The following WSCD2 variants were observed in gnomAD, a reference collection of about 807,000 sequenced individuals.
The protein encoded by WSCD2 is WSC domain sialate O sulfotransferase 2.
WSCD2 carries 28 observed loss-of-function variants against 55.7 expected under a neutral mutation model. The observed-to-expected ratio is 0.50, with a 90% CI of 0.37 to 0.69. WSCD2 has a LOEUF of 0.69. Ranked by LOEUF, WSCD2 falls within the 30% of genes least tolerant of loss-of-function variation. The pLI, the probability that WSCD2 is intolerant of heterozygous loss-of-function variation, is 0.00. For missense variants in WSCD2, 616 were observed against 762.1 expected (o/e 0.81, Z 2.26); for synonymous variants, 301 against 301.9 (o/e 1.00, Z 0.03).
chr12:108,248,118 G>T lies in WSCD2; in HGVS notation c.1473G>T (p.Leu491=). Residue 491 remains leucine (L), a synonymous_variant, in exon 9 of 9, where the codon CTG becomes CTT. Coordinates refer to ENST00000547525, the MANE Select transcript of WSCD2 (RefSeq NM_014653.4). This position sits in a 1 kb window ranked among gnomAD's most constrained non-coding sequence, Gnocchi z 4.3. ...TGAAGCAGGACCTCTTTGTCCAGCT[G>T]GGCCGGATGGTCAGCCTGCTGGGCG... ...EDLKQDLFVQ[L]GRMVSLLGVA... 1 of 1,614,202 alleles carries T rather than the reference G, an allele frequency of 6.2e-7. No homozygotes were observed. Among genetic ancestry groups the T allele is most frequent in the Non-Finnish European group, 8.5e-7 (1 of 1,180,028 alleles).
At chr12:108,140,579 G>A (rs911355149) in intron 1 of WSCD2, among the ~76,000 whole-genome samples, 5 of 152,174 alleles carry the variant, frequency 3.3e-5, no homozygotes, top group African/African-American at 4.8e-5. Context: ...AAAAGAACCA[G>A]GTAGTAGTAG....
intron 4 of WSCD2, among the ~76,000 whole-genome samples, chr12:108,217,800 G>C (rs772076988): frequency 6.6e-6 from 1 of 151,984 alleles, no homozygotes; most frequent in Admixed American, 6.6e-5. Context: ...AATCCATCTC[G>C]GGCCCTTTAA....
intron 1 of WSCD2, among the ~76,000 whole-genome samples, chr12:108,178,248 G>C (rs1298199117): frequency 6.6e-6 from 1 of 152,100 alleles, no homozygotes; most frequent in Non-Finnish European, 1.5e-5. Context: ...TCTTCCCTCT[G>C]GATGTATCTG....
At chr12:108,137,996 TG>T (rs1876396256) in intron 1 of WSCD2, among the ~76,000 whole-genome samples, 1 of 152,208 alleles carries the variant, frequency 6.6e-6, no homozygotes, top group South Asian at 2.1e-4. Context: ...TCAGCCTCAG[TG>T]GCATCCGCTA....
intron 1 of WSCD2, among the ~76,000 whole-genome samples, chr12:108,174,079 C>T (rs1880540506): frequency 6.6e-6 from 1 of 152,082 alleles, no homozygotes; most frequent in Non-Finnish European, 1.5e-5. Flanking sequence ...TCACTGTCCC[C>T]ACTTGACAGA....
At chr12:108,244,613 T>C (rs1889962327) in intron 8 of WSCD2, 1 of 702,098 alleles carries the variant, frequency 1.4e-6, no homozygotes. Flanking sequence ...ACTTTGCAGA[T>C]GGGTGCACTG....
intron 4 of WSCD2, among the ~76,000 whole-genome samples, chr12:108,220,686 C>T (rs972134924): frequency 2.6e-5 from 4 of 152,064 alleles, no homozygotes; most frequent in Admixed American, 2.6e-4. Context: ...TGTGCCACCA[C>T]ACATAGCTAA....
chr12:108,223,628 T>C (rs1887765603), intron 4 of WSCD2, among the ~76,000 whole-genome samples: 2 of 152,340 alleles, frequency 1.3e-5, no homozygotes, highest in Admixed American at 6.5e-5. Context: ...TACTGGATGC[T>C]ATAGGCACCC....
At chr12:108,131,756 C>T (rs11113755) in intron 1 of WSCD2, 34,137 of 152,196 alleles carry the variant, frequency 0.22, 4,011 homozygotes, top group African/African-American at 0.27. Context: ...TCTGCTTTCT[C>T]ATAAAATCTC....
intron 4 of WSCD2, among the ~76,000 whole-genome samples, chr12:108,221,688 G>A (rs1887538149): frequency 6.6e-6 from 1 of 152,202 alleles, no homozygotes; most frequent in Non-Finnish European, 1.5e-5. Flanking sequence ...CACATTTCTG[G>A]CCCCAAACTT....
At chr12:108,151,621 A>G (rs1171511262) in intron 1 of WSCD2, among the ~76,000 whole-genome samples, 2 of 152,172 alleles carry the variant, frequency 1.3e-5, no homozygotes, top group East Asian at 3.9e-4. Flanking sequence ...TAAAGTCAAG[A>G]TTAGAATCTA....
chr12:108,196,371 AGAG>A (rs762213261), intron 2 of WSCD2, 157 bp downstream of exon 2: 3 of 1,200,678 alleles, frequency 2.5e-6, no homozygotes, highest in Non-Finnish European at 3.4e-6. Flanking sequence ...CCCATTGCAC[AGAG>A]GAGAAAATTG....
At chr12:108,166,787 T>TTCTTTCTTTCTTTCTTTCTTTCTG (rs1180713499) in intron 1 of WSCD2, among the ~76,000 whole-genome samples, 42 of 146,240 alleles carry the variant, frequency 2.9e-4, no homozygotes, top group African/African-American at 1.1e-3. Flanking sequence ...CTTTCTTTCT[T>TTCTTTCTTTCTTTCTTTCTTTCTG]TCTGTCTTTC....
chr12:108,216,415 C>A (rs1886834619), intron 4 of WSCD2, among the ~76,000 whole-genome samples: 1 of 152,186 alleles, frequency 6.6e-6, no homozygotes, highest in Non-Finnish European at 1.5e-5. Flanking sequence ...AGATGCCATC[C>A]AGGGCTACTG....
chr12:108,168,069 C>T (rs542411462), intron 1 of WSCD2, among the ~76,000 whole-genome samples: 26 of 152,226 alleles, frequency 1.7e-4, no homozygotes, highest in Non-Finnish European at 3.2e-4. Flanking sequence ...CTCTCTCTCT[C>T]TTTCTGTCTC....
At chr12:108,146,678 G>A (rs1877425758) in intron 1 of WSCD2, among the ~76,000 whole-genome samples, 1 of 152,182 alleles carries the variant, frequency 6.6e-6, no homozygotes, top group South Asian at 2.1e-4. Flanking sequence ...CCAGGCGTAG[G>A]GTGGGCTGGC....
intron 1 of WSCD2, among the ~76,000 whole-genome samples, chr12:108,185,491 G>A (rs1882357208): frequency 6.6e-6 from 1 of 152,002 alleles, no homozygotes; most frequent in South Asian, 2.1e-4. Flanking sequence ...GGGGCCTTTG[G>A]GAACCACCCT....
intron 1 of WSCD2, among the ~76,000 whole-genome samples, chr12:108,161,568 C>T (rs920103067): frequency 2.6e-5 from 4 of 152,190 alleles, no homozygotes; most frequent in Non-Finnish European, 4.4e-5. Context: ...TCTCACAGCC[C>T]CCAGAGGGAA....
At chr12:108,216,268 T>C (rs190516879) in intron 4 of WSCD2, among the ~76,000 whole-genome samples, 1 of 152,316 alleles carries the variant, frequency 6.6e-6, no homozygotes, top group African/African-American at 2.4e-5. Context: ...AGGATAATAA[T>C]ATTGTTCACC....
Sources: allele counts gnomAD v4.1 joint callset (sites outside exome capture counted in the v4.1 genomes callset), GRCh38; gene constraint gnomAD v4.1.1; non-coding constraint Gnocchi (gnomAD v3.1); transcripts MANE v1.5; gene names NCBI Gene and HGNC (gene_info 2026-07-23, HGNC 2026-07-21).